Variants in KIF13B observed in about 807,000 individuals in gnomAD.
KIF13B encodes the protein kinesin-like protein KIF13B.
A neutral mutation model predicts 222.0 loss-of-function variants in KIF13B; 127 were observed. The observed-to-expected ratio is 0.57, with a 90% CI of 0.50 to 0.66. The LOEUF is 0.66. Ranked by LOEUF, KIF13B falls within the 30% of genes least tolerant of loss-of-function variation. KIF13B has a pLI of 0.00. For missense variants in KIF13B, 2,173 were observed against 2,379.0 expected (o/e 0.91, Z 1.80); for synonymous variants, 976 against 919.0 (o/e 1.06, Z -1.12).
At chr8:29,192,273 C>CCATA (rs1454560259) in intron 3 of KIF13B, among the ~76,000 whole-genome samples, 1 of 152,218 alleles carries the variant, frequency 6.6e-6, no homozygotes, top group Non-Finnish European at 1.5e-5. Flanking sequence ...CAGTCCCCAA[C>CCATA]CATACACCAG....
chr8:29,134,438 G>A (rs1333848746), intron 21 of KIF13B, among the ~76,000 whole-genome samples: 2 of 152,186 alleles, frequency 1.3e-5, no homozygotes, highest in Non-Finnish European at 2.9e-5. Context: ...TGACTACAGA[G>A]GTGGACGTTG....
chr8:29,244,440 C>CTGTCT (rs920149642), intron 2 of KIF13B, among the ~76,000 whole-genome samples: 114 of 152,060 alleles, frequency 7.5e-4, no homozygotes, highest in African/African-American at 2.7e-3. Context: ...TGTCTTTCAC[C>CTGTCT]TCTCCACTTT....
At position 29,072,228 on chromosome 8, in the gene KIF13B, G is replaced by A. The variant is rs1807329229; in HGVS notation, c.4610C>T (p.Ser1537Phe). The A allele has an allele frequency of 1.4e-6, 2 of 1,472,854 alleles. No individual in the cohort carries two copies. The highest frequency in any genetic ancestry group is 2.9e-5 in the African/African-American group (2 of 68,250). The allele number at this position is 1,472,854 out of a possible 1,614,324, so 91.2% of individuals were successfully genotyped here. A position where few individuals can be genotyped will look rare whatever the true frequency, so the allele number is the denominator to read the frequency against. ...KICDKPAKVP[S>F]PPPVIAVTAV... ...TGTGACAGCTATGACAGGCGGTGGG[G>A]AAGGCACTTTGGCAGGTTTGTCGCA... The change falls in exon 39 of 40, where the codon TCC becomes TTC. Residue 1537 changes from serine (S) to phenylalanine (F), a missense_variant. Transcript: ENST00000524189.
At chr8:29,182,913 G>A (rs1248418980) in intron 6 of KIF13B, among the ~76,000 whole-genome samples, 1 of 151,970 alleles carries the variant, frequency 6.6e-6, no homozygotes, top group Non-Finnish European at 1.5e-5. Context: ...TGTGTGAGGT[G>A]ATGGATATGT....
chr8:29,170,051 C>T (rs1812170365), intron 10 of KIF13B, among the ~76,000 whole-genome samples: 1 of 152,160 alleles, frequency 6.6e-6, no homozygotes, highest in Non-Finnish European at 1.5e-5. Context: ...CAACAATACC[C>T]TTATGTTAAA....
chr8:29,254,358 G>A (rs1000305622), intron 1 of KIF13B, among the ~76,000 whole-genome samples: 8 of 152,096 alleles, frequency 5.3e-5, no homozygotes, highest in Non-Finnish European at 1.2e-4. Context: ...ATGCATCAAA[G>A]GACACAAGGG....
chr8:29,228,026 A>ATTTTTTTTTTTAAT (rs374931804), intron 2 of KIF13B, among the ~76,000 whole-genome samples: 32 of 151,618 alleles, frequency 2.1e-4, no homozygotes, highest in Non-Finnish European at 3.5e-4. Context: ...AACACTGGAA[A>ATTTTTTTTTTTAAT]TTTTTTTTAT....
rs1393485314 is a variant in KIF13B at position 29,075,386 on chromosome 8, C to T, written c.4459-43G>A. 33 of 1,522,470 alleles carry T rather than the reference C, an allele frequency of 2.2e-5. No individual in the cohort carries two copies. The East Asian group carries it at 5.9e-4, about 27-fold the overall frequency. The allele number at this position is 1,522,470 out of a possible 1,614,324, so 94.3% of individuals were successfully genotyped here. On this transcript the variant is annotated intron_variant, in intron 37 of 39. Coordinates refer to ENST00000524189, the MANE Select transcript of KIF13B (RefSeq NM_015254.4). ...CAGGTCAGGGGTCGAGAGGACAGAA[C>T]AGGGGTAGCAGAAAGGTTTCCGCTG...
At chr8:29,150,836 C>A (rs949098890) in intron 14 of KIF13B, among the ~76,000 whole-genome samples, 2 of 152,128 alleles carry the variant, frequency 1.3e-5, no homozygotes, top group Admixed American at 1.3e-4. Flanking sequence ...TCCCTCTCCT[C>A]GGGTCTCTTT....
chr8:29,100,364 T>C (rs1808731408), intron 35 of KIF13B, among the ~76,000 whole-genome samples: 1 of 152,228 alleles, frequency 6.6e-6, no homozygotes, highest in Non-Finnish European at 1.5e-5. Context: ...AAGTTCCCTT[T>C]GATCCCCTGA....
At chr8:29,210,322 T>A (rs1814163183) in intron 2 of KIF13B, among the ~76,000 whole-genome samples, 1 of 152,236 alleles carries the variant, frequency 6.6e-6, no homozygotes, top group Admixed American at 6.5e-5. Flanking sequence ...GCCCTACAGA[T>A]CTACTCACCA....
chr8:29,119,889 A>G (rs1809776520), intron 29 of KIF13B, among the ~76,000 whole-genome samples: 2 of 152,332 alleles, frequency 1.3e-5, no homozygotes, highest in South Asian at 4.1e-4. Flanking sequence ...GAGATCCTAA[A>G]TGCCTCAGAG....
chr8:29,167,434 C>T lies in KIF13B; in HGVS notation c.1097G>A (p.Arg366Gln), dbSNP rs371165328. The T allele has an allele frequency of 8.0e-5, 129 of 1,613,706 alleles. No homozygotes were observed. The highest frequency in any genetic ancestry group is 9.9e-5 in the Non-Finnish European group (117 of 1,179,890). Reference sequence around the variant, plus strand: ...TTCTTCCCGGAGATCCCGGATAATTCGGGCATTAGGGTCCTCATTCACCAC... The same window carrying T: ...TTCTTCCCGGAGATCCCGGATAATTTGGGCATTAGGGTCCTCATTCACCAC... ...HAVVNEDPNA[R>Q]IIRDLREEVE... is the part of the protein sequence containing the mutation. Residue 366 changes from arginine (R) to glutamine (Q), a missense_variant, in exon 11 of 40, where the codon CGA becomes CAA. Physicochemically the swap from Arg to Gln is conservative, Grantham distance 43. Around this residue, in one of 2 missense-constraint regions of KIF13B, gnomAD observed 1,480 missense variants for 1,722.8 expected, o/e 0.86. Transcript: ENST00000524189.
intron 2 of KIF13B, among the ~76,000 whole-genome samples, chr8:29,230,095 C>A (rs1815218444): frequency 6.6e-6 from 1 of 152,124 alleles, no homozygotes; most frequent in African/African-American, 2.4e-5. Flanking sequence ...CTCACTCATG[C>A]CCACGGTAAT....
chr8:29,196,584 T>A (rs1813433079), intron 2 of KIF13B, among the ~76,000 whole-genome samples: 1 of 152,216 alleles, frequency 6.6e-6, no homozygotes, highest in African/African-American at 2.4e-5. Flanking sequence ...TTTTCTCTGC[T>A]TTGAAAAAGC....
chr8:29,263,374 T>G (rs980366833), upstream of KIF13B, among the ~76,000 whole-genome samples: 2 of 152,244 alleles, frequency 1.3e-5, no homozygotes, highest in South Asian at 2.1e-4. Context: ...CTGATACCTC[T>G]TCTGAAAAAC....
At chr8:29,182,362 C>G (rs900902424) in intron 6 of KIF13B, among the ~76,000 whole-genome samples, 1 of 152,100 alleles carries the variant, frequency 6.6e-6, no homozygotes, top group Non-Finnish European at 1.5e-5. Flanking sequence ...AAACTACAGA[C>G]CAGTCTCAGT....
chr8:29,112,365 G>A (rs557406605), intron 32 of KIF13B, among the ~76,000 whole-genome samples: 6 of 150,784 alleles, frequency 4.0e-5, no homozygotes, highest in African/African-American at 7.3e-5. Context: ...CCCGGGAGTC[G>A]GAGGTTGCAG....
At chr8:29,152,055 T>C (rs1053889476) in intron 14 of KIF13B, among the ~76,000 whole-genome samples, 16 of 152,126 alleles carry the variant, frequency 1.1e-4, no homozygotes, top group Admixed American at 6.5e-5. Context: ...CATGGATGCC[T>C]TCGGGGGGTT....
Sources: gnomAD v4.1 joint callset for allele counts (sites outside exome capture counted in the v4.1 genomes callset) on GRCh38, gnomAD v4.1.1 for gene constraint, gnomAD v4.1.1 regional missense constraint, MANE v1.5 for transcripts, NCBI Gene and HGNC (gene_info 2026-07-23, HGNC 2026-07-21) for gene names.